STOX1: variants seen among roughly 807,000 people sequenced by gnomAD.
The protein encoded by STOX1 is storkhead box 1, also known as storkhead-box protein 1.
STOX1 carries 57 observed loss-of-function variants against 74.8 expected under a neutral mutation model. The ratio of observed to expected loss-of-function variants is 0.76; its 90% confidence interval spans 0.62 to 0.95. The LOEUF (loss-of-function observed/expected upper bound fraction) is 0.95, where lower values mean the gene tolerates loss of function less well. Among genes scored for constraint, STOX1 ranks in the 40% least tolerant of loss-of-function variants. The pLI, the probability that STOX1 is intolerant of heterozygous loss-of-function variation, is 0.00. For missense variants in STOX1, 1,010 were observed against 1,117.0 expected, an observed-to-expected ratio of 0.90 and a Z score of 1.37; for synonymous variants, 375 against 401.3, an observed-to-expected ratio of 0.93 and a Z score of 0.78.
rs1840880087 is a variant in STOX1 at position 68,884,262 on chromosome 10, A to G, written c.466A>G (p.Ile156Val). 6.2e-7 allele frequency: 1 copy of G among 1,613,930 alleles called. No individual in the cohort carries two copies. Among genetic ancestry groups the G allele is most frequent in the African/African-American group, 1.3e-5 (1 of 74,936 alleles). Residue 156 changes from isoleucine to valine, a missense_variant and splice_region_variant, in exon 3 of 4, where the codon ATT becomes GTT. By Grantham distance (29) the Ile-to-Val change is conservative (BLOSUM62 3). Transcript: ENST00000298596. ...TGTAAAATGCTTGTCTGTTTTAGGC[A>G]TTGCAATTCCATCGGAAGATATTCT... ...LERLMKHYPGIAIPSEDILYT... is the reference protein window; with the variant it reads ...LERLMKHYPGVAIPSEDILYT...
intron 1 of STOX1, among the ~76,000 whole-genome samples, chr10:68,863,421 C>T (rs760704689): frequency 3.3e-5 from 5 of 151,460 alleles, no homozygotes; most frequent in Non-Finnish European, 7.4e-5. Context: ...GGGCCAGATA[C>T]CCAAAAGGAA....
intron 1 of STOX1, chr10:68,828,954 AC>A (rs1839337306): frequency 1.0e-6 from 1 of 985,112 alleles, no homozygotes; most frequent in South Asian, 4.7e-5. Flanking sequence ...AAACCACCGC[AC>A]CCGTGAGTGG....
At chr10:68,871,876 C>G (rs903998087) in intron 1 of STOX1, among the ~76,000 whole-genome samples, 2 of 152,170 alleles carry the variant, frequency 1.3e-5, no homozygotes, top group Non-Finnish European at 2.9e-5. Flanking sequence ...CATGTTGTTA[C>G]AAATGCTTCA....
chr10:68,883,248 C>T (rs1387200179), intron 2 of STOX1, among the ~76,000 whole-genome samples: 3 of 151,210 alleles, frequency 2.0e-5, no homozygotes, highest in East Asian at 3.9e-4. Flanking sequence ...AAATTAGGCA[C>T]GGTGGCAGGT....
downstream of STOX1, chr10:68,893,197 C>T: frequency 5.7e-6 from 1 of 174,342 alleles, no homozygotes; most frequent in Non-Finnish European, 1.2e-5. Flanking sequence ...GTGTCTGCTG[C>T]AAGATATCTA....
chr10:68,866,071 CAT>C (rs1474897884), intron 1 of STOX1, among the ~76,000 whole-genome samples: 7 of 152,014 alleles, frequency 4.6e-5, no homozygotes, highest in Non-Finnish European at 8.8e-5. Context: ...TACCCCATTT[CAT>C]GCATCATAGA....
At chr10:68,857,357 T>A (rs965610534) in intron 1 of STOX1, among the ~76,000 whole-genome samples, 1 of 151,964 alleles carries the variant, frequency 6.6e-6, no homozygotes, top group Non-Finnish European at 1.5e-5. Context: ...GGAGGAAGCA[T>A]CTTTGCTGCC....
Position 68,892,687 on chromosome 10 carries a change from C to A in STOX1, c.2921C>A (p.Pro974Gln), listed in dbSNP as rs1319853965. The change falls in exon 4 of 4, where the codon CCA (proline) becomes CAA (glutamine). Residue 974 changes from proline to glutamine, a missense_variant. Transcript: ENST00000298596. ...QNVEGTKSSQ[P>Q]LTSNSLLPLT... ...GTCGAAGGCACAAAGAGCAGTCAAC[C>A]ACTCACATCTAATTCCTTACTACCG... The A allele has an allele frequency of 6.2e-7, 1 of 1,613,948 alleles. No homozygotes were observed. Among genetic ancestry groups the A allele is most frequent in the Non-Finnish European group, 8.5e-7 (1 of 1,179,930 alleles).
chr10:68,845,462 G>A (rs1839816948), intron 1 of STOX1, among the ~76,000 whole-genome samples: 1 of 151,194 alleles, frequency 6.6e-6, no homozygotes, highest in Admixed American at 6.6e-5. Context: ...TTTTAGTAGA[G>A]ACAGGGTTTC....
chr10:68,868,000 C>T (rs1165060977), intron 1 of STOX1, among the ~76,000 whole-genome samples: 1 of 152,236 alleles, frequency 6.6e-6, no homozygotes, highest in East Asian at 1.9e-4. Context: ...TCTAAGCTCC[C>T]CTTTTTATTC....
chr10:68,888,247 C>G (rs1275277729), intron 3 of STOX1, among the ~76,000 whole-genome samples: 1 of 151,876 alleles, frequency 6.6e-6, no homozygotes, highest in South Asian at 2.1e-4. Flanking sequence ...ATTACAGGTG[C>G]CCGCCACCAC....
Position 68,886,638 on chromosome 10 carries a change from T to C in STOX1, c.2822+20T>C, listed in dbSNP as rs1364482315. 3.1e-6 allele frequency: 5 copies of C among 1,611,766 alleles called. No homozygotes were observed. Among genetic ancestry groups the C allele is most frequent in the Non-Finnish European group, 1.7e-6 (2 of 1,178,946 alleles). On this transcript the variant is annotated intron_variant, in intron 3 of 3. Transcript: ENST00000298596. ...TCCACGGTAGGTCCATACAAAAGTG[T>C]CTGATTTAGGCCGGGCGCAGTGGCT...
chr10:68,837,699 A>G (rs932753108), intron 1 of STOX1, among the ~76,000 whole-genome samples: 5 of 152,204 alleles, frequency 3.3e-5, no homozygotes, highest in Admixed American at 1.3e-4. Context: ...GAAAGACCTC[A>G]GGAGCCATGC....
At chr10:68,879,227 C>T (rs1267431982) in intron 1 of STOX1, among the ~76,000 whole-genome samples, 1 of 152,114 alleles carries the variant, frequency 6.6e-6, no homozygotes. Flanking sequence ...TTTTTATTTC[C>T]TAGTACTTTG....
chr10:68,880,793 AAG>A (rs1292136334), intron 1 of STOX1, among the ~76,000 whole-genome samples: 2 of 151,950 alleles, frequency 1.3e-5, no homozygotes, highest in Non-Finnish European at 2.9e-5. Flanking sequence ...CCTGGGTTTT[AAG>A]CAATTCTCCT....
intron 1 of STOX1, among the ~76,000 whole-genome samples, chr10:68,840,568 G>T (rs201339309): frequency 1.9e-5 from 1 of 52,372 alleles, no homozygotes; most frequent in African/African-American, 6.1e-5. Context: ...ATTTATTTTT[G>T]TTTCTTTTTT....
intron 3 of STOX1, among the ~76,000 whole-genome samples, chr10:68,891,795 C>CTT (rs1841105084): frequency 6.8e-6 from 1 of 146,834 alleles, no homozygotes; most frequent in Admixed American, 6.9e-5. Context: ...GAGTGAGACT[C>CTT]TGTTTCAAAA....
intron 1 of STOX1, among the ~76,000 whole-genome samples, chr10:68,878,057 G>A (rs866474693): frequency 1.3e-4 from 20 of 152,152 alleles, no homozygotes; most frequent in Middle Eastern, 3.2e-3. Context: ...TCTTGCTTCT[G>A]AGGCCTTCAT....
chr10:68,859,565 G>A (rs1464064125), intron 1 of STOX1, among the ~76,000 whole-genome samples: 1 of 152,118 alleles, frequency 6.6e-6, no homozygotes, highest in Non-Finnish European at 1.5e-5. Flanking sequence ...TAAGTATTTA[G>A]TGTGTTGTCA....
Sources: allele counts gnomAD v4.1 joint callset (sites outside exome capture counted in the v4.1 genomes callset), GRCh38; gene constraint gnomAD v4.1.1; transcripts MANE v1.5; gene names NCBI Gene and HGNC (gene_info 2026-07-23, HGNC 2026-07-21).